Variants in CLSTN2 observed in about 807,000 individuals in gnomAD.
The protein encoded by CLSTN2 is calsyntenin 2.
Under a neutral mutation model 101.2 loss-of-function variants are expected in CLSTN2, and 48 were observed. The ratio of observed to expected loss-of-function variants is 0.47; its 90% CI spans 0.38 to 0.60. The LOEUF (loss-of-function observed/expected upper bound fraction) is 0.60. CLSTN2 is among the 20% of genes least tolerant of loss of function. The pLI is 0.00. For synonymous variants in CLSTN2, 481 were observed against 463.6 expected (o/e 1.04, Z -0.48); for missense variants, 1,160 against 1,238.2 (o/e 0.94, Z 0.95).
intron 1 of CLSTN2, among the ~76,000 whole-genome samples, chr3:140,064,274 C>T (rs929605220): frequency 2.0e-5 from 3 of 152,184 alleles, no homozygotes; most frequent in African/African-American, 7.2e-5. Flanking sequence ...GGAGCGTCTA[C>T]TTATGCAAAA....
intron 1 of CLSTN2, among the ~76,000 whole-genome samples, chr3:140,126,312 T>G (rs1271600626): frequency 6.6e-6 from 1 of 151,982 alleles, no homozygotes; most frequent in Non-Finnish European, 1.5e-5. Context: ...AGCAGTGTGA[T>G]GGTATGCTTC....
At chr3:140,069,206 A>G (rs2008350854) in intron 1 of CLSTN2, among the ~76,000 whole-genome samples, 1 of 152,164 alleles carries the variant, frequency 6.6e-6, no homozygotes, top group Admixed American at 6.5e-5. Context: ...TTGCAATGTG[A>G]GGACATAACC....
At chr3:140,025,744 T>C (rs749603264) in intron 1 of CLSTN2, among the ~76,000 whole-genome samples, 1 of 152,192 alleles carries the variant, frequency 6.6e-6, no homozygotes, top group Non-Finnish European at 1.5e-5. Context: ...TTCAGTGATA[T>C]CTGTTTTGCT....
chr3:140,416,674 C>T (rs966046640), intron 4 of CLSTN2, among the ~76,000 whole-genome samples: 2 of 152,138 alleles, frequency 1.3e-5, no homozygotes, highest in African/African-American at 4.8e-5. Flanking sequence ...GAATATTGTA[C>T]CGGTGCAGTG....
At chr3:140,361,634 G>T (rs758925960) in intron 2 of CLSTN2, among the ~76,000 whole-genome samples, 4 of 152,106 alleles carry the variant, frequency 2.6e-5, no homozygotes, top group Non-Finnish European at 5.9e-5. Context: ...CAGCAAGATT[G>T]CAGTTACAAG....
intron 8 of CLSTN2, among the ~76,000 whole-genome samples, chr3:140,510,809 C>T (rs374702711): frequency 1.3e-5 from 2 of 152,222 alleles, no homozygotes; most frequent in African/African-American, 4.8e-5. Flanking sequence ...TTTGCCCTGG[C>T]ATAAAGTTGA....
intron 1 of CLSTN2, among the ~76,000 whole-genome samples, chr3:140,096,078 G>T (rs1361579067): frequency 1.3e-5 from 2 of 152,146 alleles, no homozygotes; most frequent in Non-Finnish European, 2.9e-5. Context: ...TCTCAGAAAA[G>T]ATTCTAAGGG....
At chr3:140,267,884 C>T (rs111898636) in intron 2 of CLSTN2, among the ~76,000 whole-genome samples, 5,033 of 152,204 alleles carry the variant, frequency 0.033, 173 homozygotes, top group African/African-American at 0.081. Context: ...AGAGAATTCT[C>T]GGAAGACTGA....
rs144100175 is a variant in CLSTN2 at position 140,265,394 on chromosome 3, AACG to A, written c.232+89324_232+89326del. 2.1e-3 allele frequency among the ~76,000 whole-genome samples: 314 copies of A among 152,308 alleles called. 1 individual carries two copies. Among genetic ancestry groups the A allele is most frequent in the African/African-American group, 6.8e-3 (281 of 41,586 alleles). On this transcript the variant is annotated intron_variant, in intron 2 of 16. Coordinates refer to ENST00000458420, the MANE Select transcript of CLSTN2 (RefSeq NM_022131.3). ...TAGTAGAAGAGAGAAGGCATGACCT[AACG>A]ACCTCTCAGCAGAGGAGAGAAGGCT... is the stretch of plus-strand genomic sequence containing the variant.
chr3:140,166,232 G>T (rs565611731), intron 1 of CLSTN2, among the ~76,000 whole-genome samples: 1 of 152,264 alleles, frequency 6.6e-6, no homozygotes, highest in Admixed American at 6.5e-5. Flanking sequence ...AAGTTTCAAG[G>T]TCTAATACAT....
intron 9 of CLSTN2, among the ~76,000 whole-genome samples, chr3:140,542,663 C>A (rs1012864150): frequency 6.6e-6 from 1 of 152,024 alleles, no homozygotes; most frequent in African/African-American, 2.4e-5. Context: ...TTTCCTGGAG[C>A]CTTGTCACTG....
chr3:140,342,188 A>G (rs1220518435), intron 2 of CLSTN2, among the ~76,000 whole-genome samples: 1 of 152,158 alleles, frequency 6.6e-6, no homozygotes, highest in Non-Finnish European at 1.5e-5. Flanking sequence ...AACTATTGAC[A>G]TTACGGACTG....
intron 1 of CLSTN2, among the ~76,000 whole-genome samples, chr3:140,016,626 C>T (rs2007206888): frequency 6.6e-6 from 1 of 151,604 alleles, no homozygotes; most frequent in South Asian, 2.1e-4. Flanking sequence ...TGGTGAAACC[C>T]CGTCTCTGCT....
chr3:140,303,877 G>A (rs1387237896), intron 2 of CLSTN2, among the ~76,000 whole-genome samples: 1 of 151,800 alleles, frequency 6.6e-6, no homozygotes, highest in Non-Finnish European at 1.5e-5. Context: ...TTCACTGGGA[G>A]GGCCTGCAGC....
At chr3:140,176,174 C>A in intron 2 of CLSTN2, 101 bp downstream of exon 2, 1 of 1,278,524 alleles carries the variant, frequency 7.8e-7, no homozygotes, top group Non-Finnish European at 1.1e-6. Flanking sequence ...ATTGTCACCA[C>A]CCTGTGCATC....
At chr3:140,086,240 T>C (rs919726948) in intron 1 of CLSTN2, among the ~76,000 whole-genome samples, 1 of 152,232 alleles carries the variant, frequency 6.6e-6, no homozygotes, top group African/African-American at 2.4e-5. Flanking sequence ...TGATAACGAA[T>C]GCTGGGGTTG....
At chr3:140,445,663 G>T (rs13315709) in intron 5 of CLSTN2, among the ~76,000 whole-genome samples, 19,067 of 152,128 alleles carry the variant, frequency 0.13, 1,483 homozygotes, top group East Asian at 0.25. Context: ...GATACAGGCC[G>T]GTGGGATCAG....
At chr3:140,041,576 C>A (rs1411128034) in intron 1 of CLSTN2, among the ~76,000 whole-genome samples, 7 of 152,172 alleles carry the variant, frequency 4.6e-5, no homozygotes, top group Admixed American at 4.6e-4. Context: ...TTGGACTTAT[C>A]TCCTTCCAGC....
At chr3:140,504,510 A>T (rs534021651) in intron 8 of CLSTN2, among the ~76,000 whole-genome samples, 16 of 152,264 alleles carry the variant, frequency 1.1e-4, no homozygotes, top group African/African-American at 3.6e-4. Context: ...GAGAAGACCA[A>T]AACAGAGTCC....
Sources: gnomAD v4.1 joint callset for allele counts (sites outside exome capture counted in the v4.1 genomes callset) on GRCh38, gnomAD v4.1.1 for gene constraint, MANE v1.5 for transcripts, NCBI Gene and HGNC (gene_info 2026-07-23, HGNC 2026-07-21) for gene names.